The following PRKCB variants were observed in gnomAD, a reference collection of about 807,000 sequenced individuals.
PRKCB encodes the protein protein kinase C beta type.
Under a neutral mutation model 81.5 loss-of-function variants are expected in PRKCB, and 13 were observed. The ratio of observed to expected loss-of-function variants is 0.16; its 90% CI spans 0.10 to 0.25. The LOEUF (loss-of-function observed/expected upper bound fraction) is 0.25, where lower values mean the gene tolerates loss of function less well. PRKCB is among the 10% of genes least tolerant of loss of function. The probability of loss-of-function intolerance (pLI) is 1.00; values close to 1 mark genes in which losing one functional copy is unlikely to be tolerated. For synonymous variants in PRKCB, 335 were observed against 321.4 expected (o/e 1.04, Z -0.45); for missense variants, 509 against 875.7 (o/e 0.58, Z 5.29).
chr16:23,855,064 C>A (rs1332742798), intron 2 of PRKCB, among the ~76,000 whole-genome samples: 1 of 152,004 alleles, frequency 6.6e-6, no homozygotes, highest in Non-Finnish European at 1.5e-5. Context: ...GTTACTACCA[C>A]TTGGCACTCC....
At chr16:23,901,898 C>G (rs749518460) in intron 2 of PRKCB, among the ~76,000 whole-genome samples, 3 of 152,196 alleles carry the variant, frequency 2.0e-5, no homozygotes, top group Non-Finnish European at 4.4e-5. Flanking sequence ...AGAGCTGGTG[C>G]AGACAGACAC....
intron 5 of PRKCB, among the ~76,000 whole-genome samples, chr16:24,090,334 T>C (rs1034248136): frequency 6.6e-6 from 1 of 152,252 alleles, no homozygotes; most frequent in African/African-American, 2.4e-5. Context: ...GCCGATTCAA[T>C]GCTTCTCCCA....
At chr16:24,206,122 C>T (rs766996431) in intron 16 of PRKCB, among the ~76,000 whole-genome samples, 128 of 152,152 alleles carry the variant, frequency 8.4e-4, no homozygotes, top group Admixed American at 3.8e-3. Flanking sequence ...GATAAAAGAT[C>T]CCTGATTGTA....
intron 7 of PRKCB, among the ~76,000 whole-genome samples, chr16:24,109,126 C>G (rs1196578058): frequency 2.2e-5 from 3 of 138,942 alleles, no homozygotes. Context: ...CGCCCCTCAC[C>G]TCCCGGACGG....
intron 2 of PRKCB, among the ~76,000 whole-genome samples, chr16:23,842,888 A>G (rs988546263): frequency 2.0e-5 from 3 of 152,036 alleles, no homozygotes; most frequent in Non-Finnish European, 4.4e-5. Flanking sequence ...GGTTAATTTT[A>G]TTTTCTATGG....
At chr16:23,950,062 G>A (rs1003146106) in intron 2 of PRKCB, among the ~76,000 whole-genome samples, 7 of 151,424 alleles carry the variant, frequency 4.6e-5, no homozygotes, top group South Asian at 2.1e-4. Flanking sequence ...GCCGTGGGGC[G>A]GATGTGGCCT....
chr16:24,035,288 G>T, intron 4 of PRKCB, 131 bp from the exon 5 acceptor site: 1 of 1,247,934 alleles, frequency 8.0e-7, no homozygotes, highest in Non-Finnish European at 1.1e-6. Context: ...GTTGGTCTCA[G>T]CCAGGCTCGT....
chr16:24,025,459 T>C (rs1965465992), intron 3 of PRKCB, among the ~76,000 whole-genome samples: 1 of 152,254 alleles, frequency 6.6e-6, no homozygotes, highest in Non-Finnish European at 1.5e-5. Flanking sequence ...TCCATAAATG[T>C]TAACTCTCAC....
At chr16:23,898,356 C>T (rs527815057) in intron 2 of PRKCB, among the ~76,000 whole-genome samples, 3 of 152,210 alleles carry the variant, frequency 2.0e-5, no homozygotes, top group East Asian at 3.9e-4. Flanking sequence ...CGTGAGCCAC[C>T]GCACTGGACC....
chr16:23,879,480 T>C (rs1197157393), intron 2 of PRKCB, among the ~76,000 whole-genome samples: 26 of 130,320 alleles, frequency 2.0e-4, no homozygotes, highest in African/African-American at 6.9e-4. Context: ...CCTTTAGCTA[T>C]CCTTTTTTTT....
intron 2 of PRKCB, among the ~76,000 whole-genome samples, chr16:23,840,683 G>T (rs933956133): frequency 6.6e-6 from 1 of 152,198 alleles, no homozygotes; most frequent in Admixed American, 6.5e-5. Context: ...GCAAGGCAAA[G>T]AAACCATTGA....
At chr16:24,081,020 A>T (rs1438591253) in intron 5 of PRKCB, among the ~76,000 whole-genome samples, 1 of 152,144 alleles carries the variant, frequency 6.6e-6, no homozygotes, top group Non-Finnish European at 1.5e-5. Context: ...AATATCTCAA[A>T]TATTTTCTTC....
intron 8 of PRKCB, among the ~76,000 whole-genome samples, chr16:24,119,349 C>T (rs539019557): frequency 2.6e-5 from 4 of 152,062 alleles, no homozygotes; most frequent in African/African-American, 9.6e-5. Context: ...TTCCCACCCC[C>T]CCAAAAAAGT....
At chr16:24,035,392 C>T (rs1421912039) in intron 4 of PRKCB, 27 bp from the exon 5 acceptor site, 2 of 1,610,210 alleles carry the variant, frequency 1.2e-6, no homozygotes, top group Non-Finnish European at 1.7e-6. Context: ...CCAGCCTAAG[C>T]CACATCCCCT....
intron 13 of PRKCB, among the ~76,000 whole-genome samples, chr16:24,183,896 C>A (rs1268111547): frequency 6.6e-6 from 1 of 152,180 alleles, no homozygotes; most frequent in Non-Finnish European, 1.5e-5. Context: ...CTAGACTTTT[C>A]CATGTTCTTG....
At chr16:24,200,156 T>G (rs1967936845) in intron 16 of PRKCB, among the ~76,000 whole-genome samples, 1 of 152,194 alleles carries the variant, frequency 6.6e-6, no homozygotes, top group East Asian at 1.9e-4. Context: ...GACTAACCTC[T>G]GAAAGAAGGG....
At chr16:23,933,394 C>G (rs1172014075) in intron 2 of PRKCB, among the ~76,000 whole-genome samples, 2 of 152,014 alleles carry the variant, frequency 1.3e-5, no homozygotes, top group African/African-American at 2.4e-5. Context: ...TTGATGAGCC[C>G]CTTTTGGTTA....
intron 5 of PRKCB, among the ~76,000 whole-genome samples, chr16:24,057,402 G>T (rs569363627): frequency 2.0e-5 from 3 of 152,256 alleles, no homozygotes; most frequent in East Asian, 3.9e-4. Context: ...GATTCTAAAC[G>T]CAGGCTGTTA....
chr16:23,909,993 G>A (rs1963625275), intron 2 of PRKCB, among the ~76,000 whole-genome samples: 1 of 152,134 alleles, frequency 6.6e-6, no homozygotes. Context: ...ATCTGTAGAG[G>A]ACAAACACGT....
Sources: allele counts gnomAD v4.1 joint callset (sites outside exome capture counted in the v4.1 genomes callset), GRCh38; gene constraint gnomAD v4.1.1; transcripts MANE v1.5; gene names NCBI Gene and HGNC (gene_info 2026-07-23, HGNC 2026-07-21).